The following EDARADD variants were observed in gnomAD, a reference collection of about 807,000 sequenced individuals.
EDARADD encodes the protein EDAR associated via death domain.
EDARADD carries 20 observed loss-of-function variants against 25.6 expected under a neutral mutation model. That is an observed-to-expected ratio of 0.78 (90% CI 0.55 to 1.14). The LOEUF is 1.14. Among genes scored for constraint, EDARADD ranks in the 50% most tolerant of loss-of-function variants. The pLI is 0.00. For synonymous variants in EDARADD, 86 were observed against 94.4 expected, an observed-to-expected ratio of 0.91 and a Z score of 0.52; for missense variants, 225 against 270.1, an observed-to-expected ratio of 0.83 and a Z score of 1.17.
Position 236,427,296 on chromosome 1 carries a change from T to A in EDARADD, c.161-96T>A, listed in dbSNP as rs1295330322. The A allele has an allele frequency of 2.5e-6, 3 of 1,222,432 alleles. No homozygotes were observed. The African/African-American group carries it at 4.6e-5, about 19-fold the overall frequency. 75.7% of individuals were successfully genotyped at this position (1,222,432 alleles called of 1,614,324 possible). ...TTTTACCAGATGCCAAGGCAGCATGTGACACTGAACCTTAATTTTAGGTCT... is the reference window on the plus strand; with the variant it reads ...TTTTACCAGATGCCAAGGCAGCATGAGACACTGAACCTTAATTTTAGGTCT... On this transcript the variant is annotated intron_variant, in intron 3 of 5. Coordinates refer to ENST00000334232, the MANE Select transcript of EDARADD (RefSeq NM_145861.4).
intron 3 of EDARADD, among the ~76,000 whole-genome samples, chr1:236,376,791 T>G (rs114412422): frequency 0.035 from 5,392 of 152,270 alleles, 124 homozygotes; most frequent in Non-Finnish European, 0.049. Flanking sequence ...TCTGATATTC[T>G]CATTATGGGT....
At chr1:236,437,891 G>T (rs991967910) in intron 4 of EDARADD, among the ~76,000 whole-genome samples, 2 of 151,930 alleles carry the variant, frequency 1.3e-5, no homozygotes, top group Non-Finnish European at 2.9e-5. Flanking sequence ...TGGGATCACA[G>T]GCACCCACCA....
intron 2 of EDARADD, among the ~76,000 whole-genome samples, chr1:236,409,728 ATTT>A (rs535740043): frequency 7.1e-6 from 1 of 141,342 alleles, no homozygotes. Flanking sequence ...TGCCTGGCTA[ATTT>A]TTTTTTTTTT....
intron 3 of EDARADD, among the ~76,000 whole-genome samples, chr1:236,380,712 G>A (rs61688041): frequency 0.018 from 2,789 of 152,230 alleles, 78 homozygotes; most frequent in African/African-American, 0.063. Context: ...AGCTTGGCAT[G>A]TATCTGTTTG....
At chr1:236,427,511 T>G (rs1657956400) in intron 4 of EDARADD, 61 bp downstream of exon 4, 7 of 1,486,540 alleles carry the variant, frequency 4.7e-6, no homozygotes, top group Admixed American at 2.0e-5. Context: ...TAAAATTTTT[T>G]GAGATTTATA....
intron 4 of EDARADD, among the ~76,000 whole-genome samples, chr1:236,450,934 T>A (rs1229003129): frequency 6.6e-6 from 1 of 152,180 alleles, no homozygotes; most frequent in East Asian, 1.9e-4. Context: ...AGTGGTTAAA[T>A]ATTTGTTTAA....
intron 4 of EDARADD, among the ~76,000 whole-genome samples, chr1:236,466,887 T>G (rs985132376): frequency 1.1e-4 from 16 of 151,954 alleles, no homozygotes; most frequent in African/African-American, 3.9e-4. Context: ...GCCAACATGG[T>G]GAAACCCTGT....
chr1:236,417,085 C>G (rs1006341826), intron 3 of EDARADD, among the ~76,000 whole-genome samples: 1 of 151,896 alleles, frequency 6.6e-6, no homozygotes, highest in African/African-American at 2.4e-5. Context: ...GGCTACACCC[C>G]AGCCTGGGTA....
chr1:236,434,062 A>G (rs1169814174), intron 4 of EDARADD, among the ~76,000 whole-genome samples: 2 of 152,172 alleles, frequency 1.3e-5, no homozygotes, highest in Admixed American at 6.5e-5. Context: ...TGCCCATCTG[A>G]CACAGAAATA....
At position 236,382,077 on chromosome 1, in the gene EDARADD, A is replaced by T. The variant is rs1292199570; in HGVS notation, c.-5-27139A>T. On this transcript the variant is annotated intron_variant, in intron 3 of 7. Transcript: ENST00000439430. The stretch of plus-strand genomic sequence containing the variant: ...GGTCTGTGAGTTTAAGGTTTTCCTC[A>T]AATTTAAAAAATTTTTGGCCATTAT... Among the ~76,000 whole-genome samples, 26 of 151,932 alleles carry T rather than the reference A, an allele frequency of 1.7e-4. 1 individual carries two copies.
intron 3 of EDARADD, 152 bp downstream of exon 3, chr1:236,414,451 T>G (rs1657581972): frequency 5.5e-6 from 3 of 543,782 alleles, no homozygotes; most frequent in Non-Finnish European, 9.1e-6. Context: ...GTCTCAGAAA[T>G]TAATTTTTTT....
At position 236,459,102 on chromosome 1, in the gene EDARADD, T is replaced by C. The variant is rs556170329; in HGVS notation, c.220-9129T>C. Among the ~76,000 whole-genome samples, 414 of 152,270 alleles carry C rather than the reference T, an allele frequency of 2.7e-3. 2 individuals are homozygous for C. The highest frequency in any genetic ancestry group is 9.7e-3 in the African/African-American group (405 of 41,540). The stretch of plus-strand genomic sequence containing the variant: ...TGTGCACCCGAGGAAAATTAGAGAC[T>C]GAACCGGGGTGTCTGTGGATGCATT... On this transcript the variant is annotated intron_variant, in intron 4 of 5. Coordinates refer to ENST00000334232, the MANE Select transcript of EDARADD (RefSeq NM_145861.4).
At chr1:236,455,254 C>T (rs1022977391) in intron 4 of EDARADD, among the ~76,000 whole-genome samples, 18 of 151,912 alleles carry the variant, frequency 1.2e-4, no homozygotes, top group African/African-American at 2.2e-4. Flanking sequence ...GGCAGAATCC[C>T]ATCCAACAAC....
At chr1:236,449,361 A>C (rs963727832) in intron 4 of EDARADD, among the ~76,000 whole-genome samples, 1 of 152,240 alleles carries the variant, frequency 6.6e-6, no homozygotes, top group Non-Finnish European at 1.5e-5. Flanking sequence ...GTAACAGCAC[A>C]CAATAATTTG....
At position 236,395,657 on chromosome 1, in the gene EDARADD, G is replaced by T. The variant is rs368596664; in HGVS notation, c.61+1152G>T. On this transcript the variant is annotated intron_variant, in intron 1 of 5. Coordinates refer to ENST00000334232, the MANE Select transcript of EDARADD (RefSeq NM_145861.4). The surrounding 1 kb of genome is among the most constrained non-coding windows in gnomAD (Gnocchi z 6.9). ...GGCTTCACCGGACGACCCTCTGCGC[G>T]CAGGTAAAGGGACACAGCGCCGCGC... 1.3e-6 allele frequency: 2 copies of T among 1,575,270 alleles called. No individual in the cohort carries two copies. The highest frequency in any genetic ancestry group is 1.2e-5 in the South Asian group (1 of 86,528).
At chr1:236,405,770 TTTCTTTCTTTC>T (rs1667702929) in intron 1 of EDARADD, among the ~76,000 whole-genome samples, 1 of 60,762 alleles carries the variant, frequency 1.6e-5, no homozygotes, top group Non-Finnish European at 3.6e-5. Context: ...TCTTTCTTTC[TTTCTTTCTTTC>T]TTTCTTTCTT....
At chr1:236,377,283 G>C (rs1667235395) in intron 3 of EDARADD, among the ~76,000 whole-genome samples, 1 of 150,878 alleles carries the variant, frequency 6.6e-6, no homozygotes, top group African/African-American at 2.4e-5. Flanking sequence ...AGCCCCCCGA[G>C]TAGTTGGGAT....
At chr1:236,364,730 T>A (rs1013941577) in intron 3 of EDARADD, among the ~76,000 whole-genome samples, 4 of 152,232 alleles carry the variant, frequency 2.6e-5, no homozygotes, top group African/African-American at 9.6e-5. Flanking sequence ...CATTTGAGTA[T>A]GTTGATTTTG....
Position 236,422,342 on chromosome 1 carries a change from G to A in EDARADD, c.161-5050G>A, listed in dbSNP as rs1308286397. 2.6e-5 allele frequency among the ~76,000 whole-genome samples: 4 copies of A among 152,178 alleles called. No homozygotes were observed. In the East Asian group the frequency reaches 7.7e-4, roughly 29 times the overall value. On this transcript the variant is annotated intron_variant, in intron 3 of 5. Transcript: ENST00000334232. ...ATGTTCTGCTGAAGCCTTGTATGGT[G>A]GCCTTGCTGTACATAGAGACATCTG...
Sources: allele counts gnomAD v4.1 joint callset (sites outside exome capture counted in the v4.1 genomes callset), GRCh38; gene constraint gnomAD v4.1.1; non-coding constraint Gnocchi (gnomAD v3.1); transcripts MANE v1.5; gene names NCBI Gene and HGNC (gene_info 2026-07-23, HGNC 2026-07-21).